RBPMS: variants seen among roughly 807,000 people sequenced by gnomAD.
The protein encoded by RBPMS is RNA-binding protein with multiple splicing.
In RBPMS, 7 loss-of-function variants were observed where a neutral mutation model predicts 26.8. That is an observed-to-expected ratio of 0.26 (90% CI 0.15 to 0.49). The LOEUF (loss-of-function observed/expected upper bound fraction) is 0.49. Among genes scored for constraint, RBPMS ranks in the 20% least tolerant of loss-of-function variants. RBPMS has a pLI of 0.98. For missense variants in RBPMS, 186 were observed against 250.0 expected (o/e 0.74, Z 1.73); for synonymous variants, 96 against 93.3 (o/e 1.03, Z -0.17).
Position 30,384,868 on chromosome 8 carries a change from C to A in RBPMS, c.-225C>A. On this transcript the variant is annotated 5_prime_UTR_variant, in exon 1 of 9. Coordinates refer to ENST00000397323, the MANE Select transcript of RBPMS (RefSeq NM_001008710.3). The surrounding 1 kb of genome is among the most constrained non-coding windows in gnomAD (Gnocchi z 5.6). ...GGCCCGCGCCCTGCCCCGTCTCTCC[C>A]TTGCACTTCCTGAGTCGCCCGCCGC... The A allele has an allele frequency of 2.8e-6, 1 of 351,452 alleles. No individual in the cohort carries two copies. The highest frequency in any genetic ancestry group is 1.1e-4 in the South Asian group (1 of 8,748). The allele number at this position is 351,452 out of a possible 1,614,324, so 21.8% of individuals were successfully genotyped here.
chr8:30,459,087 C>T (rs866130705), intron 1 of RBPMS, among the ~76,000 whole-genome samples: 1 of 152,004 alleles, frequency 6.6e-6, no homozygotes, highest in Non-Finnish European at 1.5e-5. Context: ...CCTCAGCCTC[C>T]TAAGTAGCTG....
At chr8:30,530,053 C>G (rs766250813) in intron 5 of RBPMS, among the ~76,000 whole-genome samples, 1 of 152,156 alleles carries the variant, frequency 6.6e-6, no homozygotes, top group Non-Finnish European at 1.5e-5. Context: ...CCGCACCCGG[C>G]CAGAACTTCA....
At chr8:30,545,334 T>TC in intron 6 of RBPMS, 3 of 1,152,704 alleles carry the variant, frequency 2.6e-6, no homozygotes, top group South Asian at 3.8e-5. Context: ...ACACTTCCTC[T>TC]CCCCTTGGAG....
In RBPMS at chr8:30,500,028, G is replaced by A. The variant is rs1358797080; in HGVS notation, c.247-4258G>A. The stretch of plus-strand genomic sequence containing the variant: ...TTCAGAATAAAGTTCTTTGTTAAAA[G>A]TAACTAGTTTTTAAAAACATAGCTG... On this transcript the variant is annotated intron_variant, in intron 4 of 8. Transcript: ENST00000397323. 3.3e-5 allele frequency among the ~76,000 whole-genome samples: 5 copies of A among 152,152 alleles called. No homozygotes were observed. The East Asian group carries it at 9.6e-4, about 29-fold the overall frequency.
chr8:30,409,388 T>G (rs1809023840), intron 1 of RBPMS, among the ~76,000 whole-genome samples: 3 of 152,068 alleles, frequency 2.0e-5, no homozygotes, highest in Admixed American at 2.0e-4. Context: ...AGAAGGGAAT[T>G]CTCCATGTTG....
intron 4 of RBPMS, among the ~76,000 whole-genome samples, chr8:30,485,248 G>C (rs1020735787): frequency 6.6e-6 from 1 of 152,172 alleles, no homozygotes; most frequent in African/African-American, 2.4e-5. Context: ...TTGTGAGTTA[G>C]GTGAATTATT....
At chr8:30,560,835 A>G (rs558318068) in intron 7 of RBPMS, among the ~76,000 whole-genome samples, 1 of 152,278 alleles carries the variant, frequency 6.6e-6, no homozygotes, top group African/African-American at 2.4e-5. Context: ...GCCTGGGGGA[A>G]CCATATCCTA....
chr8:30,544,893 CG>C, intron 6 of RBPMS: 1 of 1,489,024 alleles, frequency 6.7e-7, no homozygotes, highest in Non-Finnish European at 8.9e-7. Context: ...CATGAGAGAC[CG>C]GGGCAGGTTT....
At chr8:30,510,293 T>G (rs1821452339) in intron 5 of RBPMS, among the ~76,000 whole-genome samples, 1 of 152,156 alleles carries the variant, frequency 6.6e-6, no homozygotes, top group Admixed American at 6.5e-5. Flanking sequence ...ATTGAATGAT[T>G]CATAGGCCTT....
At chr8:30,553,412 C>T (rs1826561157) in intron 6 of RBPMS, 1 of 152,244 alleles carries the variant, frequency 6.6e-6, no homozygotes, top group African/African-American at 2.4e-5. Flanking sequence ...CCAGCCTATT[C>T]GATGAGTTTG....
chr8:30,477,995 C>T (rs909101465), intron 3 of RBPMS, among the ~76,000 whole-genome samples, 158 bp downstream of exon 3: 3 of 152,110 alleles, frequency 2.0e-5, no homozygotes, highest in African/African-American at 7.2e-5. Context: ...CAGGAAAATA[C>T]TTCATAATTC....
At position 30,500,959 on chromosome 8, in the gene RBPMS, G is replaced by A. The variant is rs570055687; in HGVS notation, c.247-3327G>A. On this transcript the variant is annotated intron_variant, in intron 4 of 8. Coordinates refer to ENST00000397323, the MANE Select transcript of RBPMS (RefSeq NM_001008710.3). The stretch of plus-strand genomic sequence containing the variant: ...CTTCCCTACCACCCCTAGAGTTACC[G>A]CCAATCACTGTGATTCTCAAATGTG... Among the ~76,000 whole-genome samples the A allele has an allele frequency of 1.1e-4, 16 of 152,020 alleles. No homozygotes were observed. In the South Asian group the frequency reaches 2.3e-3, roughly 22 times the overall value.
At chr8:30,483,442 A>G (rs545241159) in intron 4 of RBPMS, among the ~76,000 whole-genome samples, 3 of 152,166 alleles carry the variant, frequency 2.0e-5, no homozygotes, top group Admixed American at 6.5e-5. Flanking sequence ...CTCTCAAACT[A>G]TACTCATTAA....
At chr8:30,502,913 T>G (rs953377666) in intron 4 of RBPMS, among the ~76,000 whole-genome samples, 2 of 151,808 alleles carry the variant, frequency 1.3e-5, no homozygotes, top group Non-Finnish European at 2.9e-5. Flanking sequence ...AATGTTCTTA[T>G]GTTTCACAGA....
At chr8:30,496,784 C>A (rs1279994622) in intron 4 of RBPMS, among the ~76,000 whole-genome samples, 1 of 152,184 alleles carries the variant, frequency 6.6e-6, no homozygotes, top group African/African-American at 2.4e-5. Context: ...CACCTGCACA[C>A]TGTTGTCTCT....
intron 1 of RBPMS, among the ~76,000 whole-genome samples, chr8:30,419,450 A>ATATGTGTGTG (rs1554509328): frequency 0.016 from 2,332 of 143,280 alleles, 68 homozygotes; most frequent in African/African-American, 0.057. Context: ...CATCTCAAAA[A>ATATGTGTGTG]TGTGTGTGTG....
At chr8:30,497,237 A>G (rs1462295800) in intron 4 of RBPMS, among the ~76,000 whole-genome samples, 2 of 152,218 alleles carry the variant, frequency 1.3e-5, no homozygotes, top group Non-Finnish European at 2.9e-5. Context: ...TCTTGTGACC[A>G]AAACGCTCTT....
At chr8:30,554,353 T>A (rs1826657318) in intron 6 of RBPMS, among the ~76,000 whole-genome samples, 1 of 152,162 alleles carries the variant, frequency 6.6e-6, no homozygotes, top group Admixed American at 6.5e-5. Flanking sequence ...CCACAGGGAT[T>A]CACAGCTGTT....
rs1013299144 is a variant in RBPMS, at chr8:30,566,416, G to C, written c.*111+56G>C. 3 of 515,684 alleles carry C rather than the reference G, an allele frequency of 5.8e-6. No homozygotes were observed. The African/African-American group carries it at 6.3e-5, about 11-fold the overall frequency. 31.9% of individuals were successfully genotyped at this position (515,684 alleles called of 1,614,324 possible). A position where few individuals can be genotyped will look rare whatever the true frequency, so the allele number is the denominator to read the frequency against. On this transcript the variant is annotated intron_variant, in intron 8 of 8. Coordinates refer to ENST00000397323, the MANE Select transcript of RBPMS (RefSeq NM_001008710.3). The stretch of plus-strand genomic sequence containing the variant: ...CAGGGGCGGCATGGCGAACACGTGG[G>C]AACTGTGGGCCTCTGGGGGTGGGGT...
Sources: allele counts gnomAD v4.1 joint callset (sites outside exome capture counted in the v4.1 genomes callset), GRCh38; gene constraint gnomAD v4.1.1; non-coding constraint Gnocchi (gnomAD v3.1); transcripts MANE v1.5; gene names NCBI Gene and HGNC (gene_info 2026-07-23, HGNC 2026-07-21).